The following KIAA1549 variants were observed in gnomAD, a reference collection of about 807,000 sequenced individuals.
KIAA1549 encodes the protein UPF0606 protein KIAA1549.
KIAA1549 carries 70 observed loss-of-function variants against 156.4 expected under a neutral mutation model. That is an observed-to-expected ratio of 0.45 (90% CI 0.37 to 0.55). KIAA1549 has a LOEUF of 0.55. Among genes scored for constraint, KIAA1549 ranks in the 20% least tolerant of loss-of-function variants. The pLI is 0.00. For missense variants in KIAA1549, 2,428 were observed against 2,540.9 expected, an observed-to-expected ratio of 0.96 and a Z score of 0.96; for synonymous variants, 1,103 against 1,066.4, an observed-to-expected ratio of 1.03 and a Z score of -0.67.
chr7:138,960,833 T>C (rs1813823323), intron 1 of KIAA1549, among the ~76,000 whole-genome samples: 1 of 152,206 alleles, frequency 6.6e-6, no homozygotes, highest in African/African-American at 2.4e-5. Flanking sequence ...CGGTGGTGTC[T>C]TCCGGATTTT....
rs758910705 is a variant in KIAA1549 at position 138,871,260 on chromosome 7, G to A, written c.4448C>T (p.Pro1483Leu). 3 of 1,612,164 alleles carry A rather than the reference G, an allele frequency of 1.9e-6. No individual in the cohort carries two copies. Among genetic ancestry groups the A allele is most frequent in the Non-Finnish European group, 2.5e-6 (3 of 1,179,314 alleles). The change falls in exon 13 of 20, where the codon CCC becomes CTC. Residue 1483 changes from proline to leucine, a missense_variant. Physicochemically the swap from Pro to Leu is moderately conservative, Grantham distance 98. Coordinates refer to ENST00000422774, the MANE Select transcript of KIAA1549 (RefSeq NM_001164665.2). ...CATGGCGATAAGCTGGATCTTACTG[G>A]GGACCCGCCGGCTAGCCTCCGGGGG... is the stretch of plus-strand genomic sequence containing the variant. ...SRPPEASRRVPSKIQLIAMQP... is the reference protein window; with the variant it reads ...SRPPEASRRVLSKIQLIAMQP...
chr7:138,891,861 G>A (rs1811556673), intron 10 of KIAA1549, among the ~76,000 whole-genome samples: 1 of 152,156 alleles, frequency 6.6e-6, no homozygotes, highest in Non-Finnish European at 1.5e-5. Context: ...GAGGCCCTTT[G>A]CTATGGCCAC....
At position 138,880,661 on chromosome 7, in the gene KIAA1549, T is replaced by C. The variant is rs369781196; in HGVS notation, c.4229+727A>G. 1.4e-4 allele frequency among the ~76,000 whole-genome samples: 21 copies of C among 152,292 alleles called. No homozygotes were observed. In the East Asian group the frequency reaches 3.5e-3, roughly 25 times the overall value. ...CAGTAGCCAAAGCCTGACGGTGCGA[T>C]GATGGAAAGTCAACTTAATAAACCC... On this transcript the variant is annotated intron_variant, in intron 11 of 19. Coordinates refer to ENST00000422774, the MANE Select transcript of KIAA1549 (RefSeq NM_001164665.2).
intron 10 of KIAA1549, among the ~76,000 whole-genome samples, chr7:138,886,431 C>T (rs963256580): frequency 2.6e-5 from 4 of 152,064 alleles, no homozygotes; most frequent in Non-Finnish European, 5.9e-5. Flanking sequence ...TGTGCCATCA[C>T]GCCTGGCTAA....
intron 12 of KIAA1549, among the ~76,000 whole-genome samples, chr7:138,873,993 T>C (rs1258948540): frequency 1.3e-5 from 2 of 148,334 alleles, no homozygotes; most frequent in Non-Finnish European, 3.0e-5. Flanking sequence ...TTAGTATATA[T>C]TTTTGTTTAT....
rs1275804765 is a variant in KIAA1549 at position 138,976,350 on chromosome 7, C to T, written c.187+4733G>A. Among the ~76,000 whole-genome samples the T allele has an allele frequency of 3.9e-5, 6 of 152,256 alleles. No homozygotes were observed. In the East Asian group the frequency reaches 9.6e-4, roughly 24 times the overall value. ...TGTTGGGATTACAGGCGTGAGTCAC[C>T]GCGCCCGGCCTCAACATAACGATTT... On this transcript the variant is annotated intron_variant, in intron 1 of 19. Transcript: ENST00000422774.
At chr7:138,881,856 A>G (rs1811254415) in intron 10 of KIAA1549, among the ~76,000 whole-genome samples, 1 of 152,250 alleles carries the variant, frequency 6.6e-6, no homozygotes, top group African/African-American at 2.4e-5. Context: ...ACCATGTGCC[A>G]TGTGGCAGGA....
intron 1 of KIAA1549, among the ~76,000 whole-genome samples, chr7:138,963,523 G>C (rs1395838870): frequency 6.6e-6 from 1 of 152,178 alleles, no homozygotes; most frequent in Non-Finnish European, 1.5e-5. Flanking sequence ...TAGAACAGTT[G>C]CAGGTTCAGG....
chr7:138,978,699 G>C (rs906721976), intron 1 of KIAA1549, among the ~76,000 whole-genome samples: 2 of 152,126 alleles, frequency 1.3e-5, no homozygotes, highest in Non-Finnish European at 2.9e-5. Context: ...TCCAAAACAG[G>C]TCTAAGCCAT....
chr7:138,857,341 T>C (rs1472568523), intron 16 of KIAA1549, among the ~76,000 whole-genome samples: 1 of 152,210 alleles, frequency 6.6e-6, no homozygotes, highest in Non-Finnish European at 1.5e-5. Context: ...ATGTGGTATA[T>C]TCGTAAATGG....
At chr7:138,854,517 T>C (rs900429198) in intron 16 of KIAA1549, among the ~76,000 whole-genome samples, 3 of 152,208 alleles carry the variant, frequency 2.0e-5, no homozygotes, top group African/African-American at 7.2e-5. Context: ...TGAAGGCACC[T>C]TGAAATCCAC....
At chr7:138,839,520 T>A (rs1276519091) in intron 19 of KIAA1549, among the ~76,000 whole-genome samples, 2 of 152,290 alleles carry the variant, frequency 1.3e-5, no homozygotes, top group Admixed American at 1.3e-4. Context: ...ACAAATGCTG[T>A]GGAAGAGCAT....
At chr7:138,900,709 C>T (rs953587341) in intron 8 of KIAA1549, among the ~76,000 whole-genome samples, 1 of 152,182 alleles carries the variant, frequency 6.6e-6, no homozygotes, top group African/African-American at 2.4e-5. Flanking sequence ...TCTTGCTCTA[C>T]TAGTTCCTGA....
At chr7:138,889,730 CTGAG>C (rs1339665858) in intron 10 of KIAA1549, among the ~76,000 whole-genome samples, 1 of 152,212 alleles carries the variant, frequency 6.6e-6, no homozygotes, top group East Asian at 1.9e-4. Context: ...TTCTCACAAA[CTGAG>C]TGAGTCATCA....
At chr7:138,907,696 G>A (rs910133781) in intron 5 of KIAA1549, among the ~76,000 whole-genome samples, 1 of 152,126 alleles carries the variant, frequency 6.6e-6, no homozygotes, top group African/African-American at 2.4e-5. Flanking sequence ...GCCACACCCA[G>A]GCCAACAGAG....
intron 1 of KIAA1549, among the ~76,000 whole-genome samples, chr7:138,926,642 AC>A (rs1444832138): frequency 2.6e-5 from 4 of 152,236 alleles, no homozygotes; most frequent in African/African-American, 9.6e-5. Flanking sequence ...TAGTGCCGTT[AC>A]AAAAACCATC....
intron 1 of KIAA1549, among the ~76,000 whole-genome samples, chr7:138,930,714 T>C (rs1251983352): frequency 1.3e-5 from 2 of 152,272 alleles, no homozygotes; most frequent in Non-Finnish European, 2.9e-5. Flanking sequence ...ATGTTGCAGC[T>C]GATTTAATCT....
intron 12 of KIAA1549, among the ~76,000 whole-genome samples, chr7:138,877,550 A>G (rs1398625800): frequency 6.6e-6 from 1 of 152,234 alleles, no homozygotes; most frequent in Non-Finnish European, 1.5e-5. Context: ...AAAACTCAGA[A>G]TATTTTAAAA....
Position 138,917,398 on chromosome 7 carries a change from T to G in KIAA1549, c.2228A>C (p.His743Pro). Residue 743 changes from histidine to proline, a missense_variant, in exon 2 of 20, where the codon CAT becomes CCT. His to Pro is a moderately conservative substitution (Grantham distance 77). Around this residue, in one of 5 missense-constraint regions of KIAA1549, gnomAD observed 762 missense variants for 901.6 expected, o/e 0.85. Transcript: ENST00000422774. Reference protein sequence around the residue: ...STVSLTDSEAHFTSAFIETTS... With the variant: ...STVSLTDSEAPFTSAFIETTS... ...AGTTTCAATGAAAGCTGAGGTAAAA[T>G]GAGCTTCTGAATCCGTCAGTGAAAC... 1 of 1,613,862 alleles carries G rather than the reference T, an allele frequency of 6.2e-7. No homozygotes were observed. The highest frequency in any genetic ancestry group is 8.5e-7 in the Non-Finnish European group (1 of 1,179,854).
Sources: gnomAD v4.1 joint callset for allele counts (sites outside exome capture counted in the v4.1 genomes callset) on GRCh38, gnomAD v4.1.1 for gene constraint, gnomAD v4.1.1 regional missense constraint, MANE v1.5 for transcripts, NCBI Gene and HGNC (gene_info 2026-07-23, HGNC 2026-07-21) for gene names.